The following GPM6A variants were observed in gnomAD, a reference collection of about 807,000 sequenced individuals.
GPM6A encodes glycoprotein M6A.
GPM6A carries 7 observed loss-of-function variants against 32.1 expected under a neutral mutation model. That is an observed-to-expected ratio of 0.22 (90% confidence interval 0.12 to 0.41). The LOEUF is 0.41. GPM6A is among the 10% of genes least tolerant of loss of function. GPM6A has a pLI of 1.00. For synonymous variants in GPM6A, 130 were observed against 123.4 expected (o/e 1.05, Z -0.35); for missense variants, 235 against 347.2 (o/e 0.68, Z 2.57).
intron 1 of GPM6A, among the ~76,000 whole-genome samples, chr4:175,746,239 A>C (rs1025944657): frequency 6.6e-6 from 1 of 152,084 alleles, no homozygotes; most frequent in Non-Finnish European, 1.5e-5. Context: ...TGATGGGGGA[A>C]ACATTATGAA....
intron 6 of GPM6A, among the ~76,000 whole-genome samples, chr4:175,637,649 A>G (rs1238362533): frequency 2.1e-4 from 4 of 19,352 alleles, no homozygotes; most frequent in Non-Finnish European, 7.0e-4. Flanking sequence ...TATATTATAT[A>G]AAATATAAAA....
At chr4:175,977,811 T>G (rs1740703272) in intron 1 of GPM6A, among the ~76,000 whole-genome samples, 1 of 152,168 alleles carries the variant, frequency 6.6e-6, no homozygotes, top group Non-Finnish European at 1.5e-5. Flanking sequence ...TGGTTCTTCT[T>G]AAGAGGTGAT....
At chr4:175,884,213 G>A (rs1737372856) in intron 1 of GPM6A, among the ~76,000 whole-genome samples, 1 of 152,100 alleles carries the variant, frequency 6.6e-6, no homozygotes, top group Admixed American at 6.5e-5. Context: ...ATAAATCTTT[G>A]TAAAACTCTT....
intron 1 of GPM6A, among the ~76,000 whole-genome samples, chr4:175,773,529 A>T (rs1733272594): frequency 6.6e-6 from 1 of 152,200 alleles, no homozygotes; most frequent in African/African-American, 2.4e-5. Flanking sequence ...TATTTATCAA[A>T]CTCTTTAAAA....
At position 175,746,567 on chromosome 4, in the gene GPM6A, C is replaced by T. The variant is rs192366024; in HGVS notation, c.38-44800G>A. 1.6e-3 allele frequency among the ~76,000 whole-genome samples: 245 copies of T among 151,900 alleles called. 11 individuals carry two copies. The South Asian group carries it at 0.045, about 28-fold the overall frequency. On this transcript the variant is annotated intron_variant, in intron 1 of 6. Coordinates refer to ENST00000393658, the MANE Select transcript of GPM6A (RefSeq NM_201591.3). ...TAGGTAAGTTTCTGAAGTGTGTAAC[C>T]CATCATAATTAGAATCAAGCTCCTC...
intron 3 of GPM6A, among the ~76,000 whole-genome samples, chr4:175,658,341 T>C (rs1443110458): frequency 6.6e-6 from 1 of 150,682 alleles, no homozygotes; most frequent in Non-Finnish European, 1.5e-5. Flanking sequence ...ACTTACTGTG[T>C]AGTTTCAGCT....
intron 1 of GPM6A, among the ~76,000 whole-genome samples, chr4:175,978,801 T>C (rs975850549): frequency 1.3e-4 from 20 of 151,860 alleles, no homozygotes; most frequent in African/African-American, 4.9e-4. Flanking sequence ...CAAATAGCCC[T>C]AGTTTTTAAA....
intron 1 of GPM6A, among the ~76,000 whole-genome samples, chr4:175,720,627 C>T (rs959691781): frequency 2.0e-5 from 3 of 152,154 alleles, no homozygotes; most frequent in Non-Finnish European, 2.9e-5. Context: ...CTCATGGACA[C>T]AGCACTGAAG....
intron 4 of GPM6A, among the ~76,000 whole-genome samples, chr4:175,650,626 C>A (rs986741914): frequency 6.6e-6 from 1 of 151,992 alleles, no homozygotes. Context: ...TTATTAAATG[C>A]GAACTAGTGT....
intron 1 of GPM6A, among the ~76,000 whole-genome samples, chr4:175,821,358 G>A (rs1009486071): frequency 6.6e-6 from 1 of 152,004 alleles, no homozygotes; most frequent in Admixed American, 6.6e-5. Flanking sequence ...TTCTATAGAT[G>A]TTATTTGTAA....
chr4:175,862,901 C>T (rs1736616255), intron 1 of GPM6A, among the ~76,000 whole-genome samples: 1 of 152,030 alleles, frequency 6.6e-6, no homozygotes, highest in Non-Finnish European at 1.5e-5. Context: ...TTGTGTTTTT[C>T]CAAAGTCACT....
At chr4:175,675,762 G>A (rs765925391) in intron 2 of GPM6A, among the ~76,000 whole-genome samples, 14 of 152,148 alleles carry the variant, frequency 9.2e-5, no homozygotes, top group Middle Eastern at 3.4e-3. Flanking sequence ...TGATCCTCTC[G>A]CCTCAGCCTC....
intron 1 of GPM6A, chr4:175,960,897 T>G (rs1740142678): frequency 6.6e-6 from 1 of 152,252 alleles, no homozygotes; most frequent in Non-Finnish European, 1.5e-5. Context: ...GTTTCAATTT[T>G]GGAAGAATGA....
chr4:175,661,425 A>C lies in GPM6A; in HGVS notation c.388-9438T>G, dbSNP rs1374834891. On this transcript the variant is annotated intron_variant, in intron 3 of 6. Coordinates refer to ENST00000393658, the MANE Select transcript of GPM6A (RefSeq NM_201591.3). ...ACTCCAGCCTGGATGACAGAGTGAG[A>C]CTCTGTCTCAAAAAAAAAAAAAAAA... Among the ~76,000 whole-genome samples the C allele has an allele frequency of 7.6e-4, 88 of 115,750 alleles. 1 individual carries two copies. The highest frequency in any genetic ancestry group is 2.2e-3 in the African/African-American group (80 of 36,760). The allele number at this position is 115,750 out of a possible 152,430, so 75.9% of individuals were successfully genotyped here.
Position 175,962,357 on chromosome 4 carries a change from A to C in GPM6A, c.-23+39952T>G. The C allele has an allele frequency of 5.1e-6, 4 of 786,648 alleles. No individual in the cohort carries two copies. In the South Asian group the frequency reaches 5.3e-5, roughly 10 times the overall value. The allele number at this position is 786,648 out of a possible 1,614,324, so 48.7% of individuals were successfully genotyped here. ...AACATCAGCTTCTTAAGACTCCTTC[A>C]TCTAGCTCCCTGTTGCTGAGAGACC... On this transcript the variant is annotated intron_variant, in intron 1 of 7. Coordinates refer to the GPM6A transcript ENST00000280187.
intron 1 of GPM6A, among the ~76,000 whole-genome samples, chr4:175,731,508 A>G (rs1288873817): frequency 6.6e-6 from 1 of 152,010 alleles, no homozygotes; most frequent in Admixed American, 6.6e-5. Flanking sequence ...AAGGCGCAGC[A>G]GGTTTTTGCT....
intron 1 of GPM6A, among the ~76,000 whole-genome samples, chr4:175,773,846 C>A (rs141216838): frequency 5.3e-4 from 80 of 152,154 alleles, no homozygotes; most frequent in African/African-American, 1.9e-3. Flanking sequence ...GTCTTAAGAA[C>A]AAAGACTGTT....
chr4:175,973,376 T>C (rs1740564442), intron 1 of GPM6A, among the ~76,000 whole-genome samples: 1 of 152,238 alleles, frequency 6.6e-6, no homozygotes, highest in Admixed American at 6.5e-5. Flanking sequence ...GTTTAACATA[T>C]TGTTGTTTTC....
intron 1 of GPM6A, among the ~76,000 whole-genome samples, chr4:175,915,905 A>AGC: frequency 6.6e-6 from 1 of 152,256 alleles, no homozygotes; most frequent in South Asian, 2.1e-4. Flanking sequence ...TGTGGACCTT[A>AGC]CATTTGTCAT....
Sources: allele counts gnomAD v4.1 joint callset (sites outside exome capture counted in the v4.1 genomes callset), GRCh38; gene constraint gnomAD v4.1.1; transcripts MANE v1.5; gene names NCBI Gene and HGNC (gene_info 2026-07-23, HGNC 2026-07-21).